CKM: variants seen among roughly 807,000 people sequenced by gnomAD.
CKM encodes creatine kinase M-type.
A neutral mutation model predicts 35.4 loss-of-function variants in CKM; 28 were observed. That is an observed-to-expected ratio of 0.79 (90% CI 0.59 to 1.08). The LOEUF (loss-of-function observed/expected upper bound fraction) is 1.08, where lower values mean the gene tolerates loss of function less well. CKM is among the 50% of genes least tolerant of loss of function. CKM has a pLI of 0.00. For synonymous variants in CKM, 215 were observed against 204.4 expected (o/e 1.05, Z -0.44); for missense variants, 484 against 509.8 (o/e 0.95, Z 0.49).
chr19:45,322,806 C>T lies in CKM; in HGVS notation c.-19+15G>A, dbSNP rs1324640201. ...CTACTCTGGCCCCCACCCAGATTCC[C>T]GCCCCGTGCAGTACCTGGCTGGGCT... On this transcript the variant is annotated intron_variant, in intron 1 of 7. Coordinates refer to ENST00000221476, the MANE Select transcript of CKM (RefSeq NM_001824.5). The T allele has an allele frequency of 8.1e-6, 8 of 985,626 alleles. No homozygotes were observed. The highest frequency in any genetic ancestry group is 1.7e-5 in the African/African-American group (1 of 57,358). The allele number at this position is 985,626 out of a possible 1,614,324, so 61.1% of individuals were successfully genotyped here.
chr19:45,317,390 C>T (rs928047491), intron 3 of CKM, among the ~76,000 whole-genome samples: 5 of 152,100 alleles, frequency 3.3e-5, no homozygotes, highest in African/African-American at 7.2e-5. Context: ...CAGGTTCAAG[C>T]GATTCTCCTG....
At chr19:45,312,555 T>C (rs972041914) in intron 4 of CKM, among the ~76,000 whole-genome samples, 1 of 151,740 alleles carries the variant, frequency 6.6e-6, no homozygotes, top group African/African-American at 2.4e-5. Context: ...CTCAAGTACC[T>C]GGGATTACAG....
intron 3 of CKM, among the ~76,000 whole-genome samples, chr19:45,315,999 C>T (rs573497678): frequency 1.3e-5 from 2 of 151,380 alleles, no homozygotes; most frequent in South Asian, 4.2e-4. Context: ...TAGGTATATG[C>T]CACCATGTTC....
intron 5 of CKM, among the ~76,000 whole-genome samples, chr19:45,310,565 T>A (rs141808578): frequency 0.021 from 3,269 of 152,170 alleles, 55 homozygotes; most frequent in Non-Finnish European, 0.033. Context: ...GTCACAAAGC[T>A]AGTAAAGTTA....
intron 5 of CKM, among the ~76,000 whole-genome samples, chr19:45,311,259 AGTCTGGCTCT>A (rs1971106827): frequency 7.0e-6 from 1 of 142,944 alleles, no homozygotes; most frequent in African/African-American, 2.6e-5. Context: ...TTTTTGAGAC[AGTCTGGCTCT>A]GTCGCCCAGG....
chr19:45,309,546 ACCCT>A (rs1971087773), intron 5 of CKM, among the ~76,000 whole-genome samples: 1 of 126,556 alleles, frequency 7.9e-6, no homozygotes, highest in African/African-American at 3.1e-5. Context: ...ACAGAGCAAG[ACCCT>A]GTCTCAAAAA....
In CKM at chr19:45,307,531, C is replaced by T. The variant is rs766745381; in HGVS notation, c.897G>A (p.Leu299=). The change falls in exon 7 of 8, where the codon CTG becomes CTA. Residue 299 remains leucine (L), a synonymous_variant. Coordinates refer to ENST00000221476, the MANE Select transcript of CKM (RefSeq NM_001824.5). ...ACTTGGGGTGCTTGCTCAGGTGCGC[C>T]AGCTTCACATGCACGCCTCCACGCA... ...TGLRGGVHVK[L]AHLSKHPKFE... The T allele has an allele frequency of 9.9e-6, 16 of 1,613,994 alleles. No homozygotes were observed. The highest frequency in any genetic ancestry group is 1.6e-4 in the Middle Eastern group (1 of 6,080).
At chr19:45,319,758 T>C (rs765847230) in intron 1 of CKM, 27 bp from the exon 2 acceptor site, 4 of 1,566,544 alleles carry the variant, frequency 2.6e-6, no homozygotes, top group Admixed American at 1.7e-5. Flanking sequence ...GAGGGGAAGA[T>C]TGAAGATTAG....
At chr19:45,320,804 G>A (rs1248915144) in intron 1 of CKM, among the ~76,000 whole-genome samples, 1 of 152,162 alleles carries the variant, frequency 6.6e-6, no homozygotes, top group Non-Finnish European at 1.5e-5. Context: ...TGCCGCATGG[G>A]AGTGTTGAAA....
chr19:45,320,313 T>C (rs1224502879), intron 1 of CKM, among the ~76,000 whole-genome samples: 1 of 145,440 alleles, frequency 6.9e-6, no homozygotes, highest in Non-Finnish European at 1.5e-5. Context: ...GCCAGGCTGG[T>C]CTCGAACTCC....
intron 2 of CKM, 133 bp from the exon 3 acceptor site, chr19:45,318,112 T>A (rs1358558028): frequency 8.6e-6 from 6 of 700,072 alleles, no homozygotes; most frequent in African/African-American, 1.8e-5. Flanking sequence ...TGGGTGGGAA[T>A]TGAGAATCAT....
chr19:45,317,881 C>G lies in CKM; in HGVS notation c.292G>C (p.Gly98Arg), dbSNP rs773623528. ...LFDPIISDRH[G>R]GYKPTDKHKT... ...TGCTTGTCAGTGGGTTTGTAGCCCC[C>G]GTGGCGATCCGAGATGATGGGGTCA... The change falls in exon 3 of 8, where the codon GGG (glycine) becomes CGG (arginine). Residue 98 changes from glycine to arginine, a missense_variant. Gly to Arg is a moderately radical substitution (Grantham distance 125, BLOSUM62 -2). Transcript: ENST00000221476. The G allele has an allele frequency of 6.2e-7, 1 of 1,613,950 alleles. No homozygotes were observed. The highest frequency in any genetic ancestry group is 8.5e-7 in the Non-Finnish European group (1 of 1,180,006).
rs1971055993 is a variant in CKM, at chr19:45,306,788, C to T, written c.1108G>A (p.Gly370Ser). Residue 370 changes from glycine (G) to serine (S), a missense_variant, in exon 8 of 8, where the codon GGC becomes AGC. Gly to Ser is a moderately conservative substitution (Grantham distance 56). Coordinates refer to ENST00000221476, the MANE Select transcript of CKM (RefSeq NM_001824.5). This position sits in a 1 kb window ranked among gnomAD's most constrained non-coding sequence, Gnocchi z 4.5. ...MVEMEKKLEK[G>S]QSIDDMIPAQ... Reference sequence around the variant, plus strand: ...GGGATCATGTCGTCAATGGACTGGCCTTTCTCCAACTTCTTCTCCATTTCC... The same window carrying T: ...GGGATCATGTCGTCAATGGACTGGCTTTTCTCCAACTTCTTCTCCATTTCC... 1.2e-6 allele frequency: 2 copies of T among 1,614,092 alleles called. No individual in the cohort carries two copies. The highest frequency in any genetic ancestry group is 8.5e-7 in the Non-Finnish European group (1 of 1,180,048).
intron 5 of CKM, among the ~76,000 whole-genome samples, chr19:45,310,322 A>G (rs542545607): frequency 3.9e-4 from 59 of 151,792 alleles, no homozygotes; most frequent in East Asian, 1.7e-3. Context: ...GGGTTTCACC[A>G]TGTTAGCCAG....
At chr19:45,311,688 C>A in intron 5 of CKM, 61 bp downstream of exon 5, 3 of 1,404,446 alleles carry the variant, frequency 2.1e-6, no homozygotes, top group Non-Finnish European at 2.9e-6. Flanking sequence ...GTGAGGAGGG[C>A]CGTTGCAGGA....
chr19:45,310,110 GCACTGCTTTTTTT>G (rs1971092227), intron 5 of CKM, among the ~76,000 whole-genome samples: 1 of 140,644 alleles, frequency 7.1e-6, no homozygotes, highest in Admixed American at 7.2e-5. Context: ...TGTATACCAG[GCACTGCTTTTTTT>G]TTTTTTTTTT....
chr19:45,315,394 G>A (rs566082804), intron 4 of CKM, 71 bp downstream of exon 4: 24 of 1,556,884 alleles, frequency 1.5e-5, no homozygotes, highest in Non-Finnish European at 1.9e-5. Context: ...AAAGAGACCC[G>A]AGGACCTGCC....
chr19:45,308,164 A>G (rs1480031130), intron 6 of CKM, among the ~76,000 whole-genome samples: 1 of 145,166 alleles, frequency 6.9e-6, no homozygotes, highest in Non-Finnish European at 1.5e-5. Context: ...CCCGGCCTGA[A>G]GGCGGATCCT....
At chr19:45,312,021 C>G (rs1971115555) in intron 4 of CKM, 101 bp from the exon 5 acceptor site, 1 of 1,373,050 alleles carries the variant, frequency 7.3e-7, no homozygotes, top group East Asian at 2.3e-5. Flanking sequence ...GGGCCTGGGC[C>G]TTGGCCCCCT....
Sources: gnomAD v4.1 joint callset for allele counts (sites outside exome capture counted in the v4.1 genomes callset) on GRCh38, gnomAD v4.1.1 for gene constraint, Gnocchi (gnomAD v3.1) non-coding constraint, MANE v1.5 for transcripts, NCBI Gene and HGNC (gene_info 2026-07-23, HGNC 2026-07-21) for gene names.